Variants in DNASE2B observed in about 807,000 individuals in gnomAD.
DNASE2B encodes the protein deoxyribonuclease-2-beta.
In DNASE2B, 43 loss-of-function variants were observed where a neutral mutation model predicts 46.0. The ratio of observed to expected loss-of-function variants is 0.94; its 90% CI spans 0.73 to 1.21. The LOEUF (loss-of-function observed/expected upper bound fraction) is 1.21, where lower values mean the gene tolerates loss of function less well. Ranked by LOEUF, DNASE2B falls within the 50% of genes most tolerant of loss-of-function variation. The pLI is 0.00. For synonymous variants in DNASE2B, 156 were observed against 152.5 expected (o/e 1.02, Z -0.17); for missense variants, 395 against 414.4 (o/e 0.95, Z 0.41).
In DNASE2B at chr1:84,401,367, A is replaced by T. The variant is rs146805807; in HGVS notation, c.126-534A>T. On this transcript the variant is annotated intron_variant, in intron 1 of 5. Coordinates refer to ENST00000370665, the MANE Select transcript of DNASE2B (RefSeq NM_021233.3). ...GAGCTACCTCTCCTCCCTGTGAGAT[A>T]TCCAAGGGAGATATACAAATGGAAA... 5.9e-5 allele frequency among the ~76,000 whole-genome samples: 9 copies of T among 152,340 alleles called. No individual in the cohort carries two copies. In the East Asian group the frequency reaches 1.7e-3, roughly 29 times the overall value.
At chr1:84,410,109 T>C (rs1234391136) in intron 3 of DNASE2B, among the ~76,000 whole-genome samples, 2 of 152,208 alleles carry the variant, frequency 1.3e-5, no homozygotes, top group Non-Finnish European at 2.9e-5. Context: ...AGTCTAGCTA[T>C]CATACCAAAC....
Position 84,398,496 on chromosome 1 carries a change from G to A in DNASE2B, c.-69G>A. 1.3e-6 allele frequency: 2 copies of A among 1,593,186 alleles called. No homozygotes were observed. The highest frequency in any genetic ancestry group is 1.7e-6 in the Non-Finnish European group (2 of 1,168,032). On this transcript the variant is annotated 5_prime_UTR_variant, in exon 1 of 6. Transcript: ENST00000370665. ...CAAATCAAACGTCAGAGCCAGCACA[G>A]CCTGAGAGCGCCTTGAAACTCAGAC...
At chr1:84,406,568 T>C (rs188504594) in intron 2 of DNASE2B, among the ~76,000 whole-genome samples, 29 of 152,288 alleles carry the variant, frequency 1.9e-4, no homozygotes, top group Admixed American at 1.7e-3. Flanking sequence ...TTTCTTACCT[T>C]TAGTAAAACC....
Position 84,414,759 on chromosome 1 carries a change from A to T in DNASE2B, c.977A>T (p.Asn326Ile). The T allele has an allele frequency of 6.2e-7, 1 of 1,614,224 alleles. No individual in the cohort carries two copies. Among genetic ancestry groups the T allele is most frequent in the Middle Eastern group, 1.6e-4 (1 of 6,062 alleles). Residue 326 changes from asparagine (N) to isoleucine (I), a missense_variant, in exon 6 of 6, where the codon AAT becomes ATT. By Grantham distance (149) the Asn-to-Ile change is moderately radical. Transcript: ENST00000370665. Reference sequence around the variant, plus strand: ...CGCTGGACATGTATTGGAGACCTAAATCGGAGTCCACACCAAGCCTTCAGA... The same window carrying T: ...CGCTGGACATGTATTGGAGACCTAATTCGGAGTCCACACCAAGCCTTCAGA... Reference protein sequence around the residue: ...KNRWTCIGDLNRSPHQAFRSG... With the variant: ...KNRWTCIGDLIRSPHQAFRSG...
chr1:84,414,735 G>T lies in DNASE2B; in HGVS notation c.953G>T (p.Arg318Leu). The T allele has an allele frequency of 6.2e-7, 1 of 1,614,112 alleles. No individual in the cohort carries two copies. Among genetic ancestry groups the T allele is most frequent in the Non-Finnish European group, 8.5e-7 (1 of 1,180,010 alleles). ...ATTTCCCAAAAGGGCACCAAAAATCGCTGGACATGTATTGGAGACCTAAAT... is the reference window on the plus strand; with the variant it reads ...ATTTCCCAAAAGGGCACCAAAAATCTCTGGACATGTATTGGAGACCTAAAT... ...WCISQKGTKN[R>L]WTCIGDLNRS... is the part of the protein sequence containing the mutation. Residue 318 changes from arginine to leucine, a missense_variant, in exon 6 of 6, where the codon CGC (arginine) becomes CTC (leucine). Transcript: ENST00000370665.
Position 84,398,691 on chromosome 1 carries a change from T to C in DNASE2B, c.125+2T>C, listed in dbSNP as rs1262137227. 1 of 1,613,268 alleles carries C rather than the reference T, an allele frequency of 6.2e-7. No homozygotes were observed. Among genetic ancestry groups the C allele is most frequent in the African/African-American group, 1.3e-5 (1 of 74,864 alleles). ...TGAAGAAGGGAAAGCTGTGGACTGG[T>C]AGGTAAATGAAATGGAAGGACTGCT... On this transcript the variant is annotated splice_donor_variant, in intron 1 of 5. Coordinates refer to ENST00000370665, the MANE Select transcript of DNASE2B (RefSeq NM_021233.3). LOFTEE classifies it high-confidence loss of function.
chr1:84,410,839 T>A lies in DNASE2B; in HGVS notation c.387T>A (p.Gly129=). 3 of 1,611,974 alleles carry A rather than the reference T, an allele frequency of 1.9e-6. No homozygotes were observed. In the South Asian group the frequency reaches 3.3e-5, roughly 18 times the overall value. The change falls in exon 4 of 6, where the codon GGT becomes GGA. Residue 129 remains glycine, a splice_region_variant and synonymous_variant. Coordinates refer to ENST00000370665, the MANE Select transcript of DNASE2B (RefSeq NM_021233.3). ...NYSRKYGHTK[G]LLLWNRVQGF... is the part of the protein sequence containing the mutation. ...CTTTGTTAAATGTGTCTTTGGTAGG[T>A]TTACTGCTGTGGAACAGAGTTCAAG...
At chr1:84,401,869 TGTTA>T (rs1224563404) in intron 1 of DNASE2B, 28 bp from the exon 2 acceptor site, 14 of 1,424,268 alleles carry the variant, frequency 9.8e-6, no homozygotes, top group Non-Finnish European at 1.3e-5. Context: ...AGTCAATAAA[TGTTA>T]GTAATTCATA....
At chr1:84,408,550 A>G (rs777601476) in intron 3 of DNASE2B, 32 bp downstream of exon 3, 45 of 1,579,686 alleles carry the variant, frequency 2.8e-5, no homozygotes, top group Non-Finnish European at 3.7e-5. Flanking sequence ...TCTCTTTCCT[A>G]CTGGAAATCA....
chr1:84,398,831 C>A, intron 1 of DNASE2B, 142 bp downstream of exon 1: 1 of 1,291,878 alleles, frequency 7.7e-7, no homozygotes, highest in Non-Finnish European at 1.0e-6. Flanking sequence ...TGCAAATCGG[C>A]CAAACTCCCA....
intron 2 of DNASE2B, among the ~76,000 whole-genome samples, chr1:84,403,095 C>T (rs925870760): frequency 6.6e-6 from 1 of 152,200 alleles, no homozygotes; most frequent in Admixed American, 6.5e-5. Context: ...TATTTGAGAA[C>T]ATGTGATGTG....
At chr1:84,411,455 T>TCA (rs1680592903) in intron 4 of DNASE2B, among the ~76,000 whole-genome samples, 2 of 148,926 alleles carry the variant, frequency 1.3e-5, no homozygotes, top group African/African-American at 5.0e-5. Context: ...TGTGTGTGTG[T>TCA]GTGTGTGTGT....
chr1:84,402,550 A>C (rs1302618791), intron 2 of DNASE2B, among the ~76,000 whole-genome samples: 1 of 152,176 alleles, frequency 6.6e-6, no homozygotes, highest in Non-Finnish European at 1.5e-5. Flanking sequence ...TTGTTTTCAA[A>C]ATGATATGTT....
At position 84,414,922 on chromosome 1, in the gene DNASE2B, T is replaced by G; in HGVS notation, c.*54T>G. The G allele has an allele frequency of 7.8e-7, 1 of 1,280,860 alleles. No homozygotes were observed. The highest frequency in any genetic ancestry group is 1.1e-6 in the Non-Finnish European group (1 of 909,434). 79.3% of individuals were successfully genotyped at this position (1,280,860 alleles called of 1,614,324 possible). ...TTGAAAACCTTGACAATGGGTCTTCTTCCATTACACCTTCTTTATATTTTA... is the reference window on the plus strand; with the variant it reads ...TTGAAAACCTTGACAATGGGTCTTCGTCCATTACACCTTCTTTATATTTTA... On this transcript the variant is annotated 3_prime_UTR_variant, in exon 6 of 6. Transcript: ENST00000370665.
intron 1 of DNASE2B, among the ~76,000 whole-genome samples, chr1:84,399,474 C>A (rs1680362778): frequency 6.6e-6 from 1 of 152,160 alleles, no homozygotes; most frequent in Non-Finnish European, 1.5e-5. Flanking sequence ...TTCCTACCCT[C>A]AAGGACCTCA....
chr1:84,408,532 T>A lies in DNASE2B; in HGVS notation c.385+14T>A. The A allele has an allele frequency of 1.2e-6, 2 of 1,601,400 alleles. No individual in the cohort carries two copies. Among genetic ancestry groups the A allele is most frequent in the East Asian group, 4.5e-5 (2 of 44,546 alleles). On this transcript the variant is annotated intron_variant, in intron 3 of 5. Transcript: ENST00000370665. ...GACACACCAAAGGTATGACAAAGAT[T>A]CTTGGTTTCTCTTTCCTACTGGAAA...
intron 1 of DNASE2B, among the ~76,000 whole-genome samples, chr1:84,399,758 G>A (rs1680374291): frequency 6.6e-6 from 1 of 152,110 alleles, no homozygotes; most frequent in Admixed American, 6.5e-5. Context: ...TAGAGAGGTG[G>A]GGACAGCCAA....
At chr1:84,412,135 T>A (rs1680608770) in intron 4 of DNASE2B, among the ~76,000 whole-genome samples, 2 of 152,234 alleles carry the variant, frequency 1.3e-5, no homozygotes, top group Admixed American at 1.3e-4. Flanking sequence ...TAAACCCATG[T>A]AAAACTTGTA....
intron 2 of DNASE2B, among the ~76,000 whole-genome samples, chr1:84,403,049 A>G (rs559781865): frequency 2.5e-4 from 38 of 152,220 alleles, no homozygotes; most frequent in Non-Finnish European, 4.4e-4. Flanking sequence ...ACTAGCCTTC[A>G]GAGCCAAGCT....
Sources: gnomAD v4.1 joint callset for allele counts (sites outside exome capture counted in the v4.1 genomes callset) on GRCh38, gnomAD v4.1.1 for gene constraint, MANE v1.5 for transcripts, NCBI Gene and HGNC (gene_info 2026-07-23, HGNC 2026-07-21) for gene names.